The following GAB2 variants were observed in gnomAD, a reference collection of about 807,000 sequenced individuals.
GAB2 encodes GRB2-associated-binding protein 2.
Under a neutral mutation model 65.5 loss-of-function variants are expected in GAB2, and 26 were observed. That is an observed-to-expected ratio of 0.40 (90% CI 0.29 to 0.55). GAB2 has a LOEUF of 0.55. GAB2 is among the 20% of genes least tolerant of loss of function. The pLI is 0.53. For missense variants in GAB2, 884 were observed against 875.8 expected (o/e 1.01, Z -0.12); for synonymous variants, 321 against 329.6 (o/e 0.97, Z 0.28).
Position 78,291,555 on chromosome 11 carries a change from CT to C in GAB2, c.76-10655del, listed in dbSNP as rs796161663. On this transcript the variant is annotated intron_variant, in intron 1 of 9. Coordinates refer to ENST00000361507, the MANE Select transcript of GAB2 (RefSeq NM_080491.3). ...CCTATCTTGAGAGACTTACTTTTTT[CT>C]TTTTCTTTTTTTTTTTTTTTTTTTT... is the stretch of plus-strand genomic sequence containing the variant. 4.5e-3 allele frequency among the ~76,000 whole-genome samples: 249 copies of C among 55,044 alleles called. 3 individuals are homozygous for C. The highest frequency in any genetic ancestry group is 0.013 in the Admixed American group (46 of 3,450). The allele number at this position is 55,044 out of a possible 152,430, so 36.1% of individuals were successfully genotyped here. A position where few individuals can be genotyped will look rare whatever the true frequency, so the allele number is the denominator to read the frequency against.
chr11:78,381,053 C>G (rs1422611418), intron 1 of GAB2, among the ~76,000 whole-genome samples: 1 of 152,066 alleles, frequency 6.6e-6, no homozygotes, highest in East Asian at 1.9e-4. Context: ...CATACTTAAG[C>G]TTTGTACTCA....
intron 1 of GAB2, among the ~76,000 whole-genome samples, chr11:78,290,497 T>C (rs557812952): frequency 1.3e-5 from 2 of 152,324 alleles, no homozygotes; most frequent in South Asian, 2.1e-4. Context: ...TTGGGTTAGA[T>C]CTCAAGGTCT....
chr11:78,261,565 C>T (rs1215882086), intron 2 of GAB2, among the ~76,000 whole-genome samples: 1 of 152,292 alleles, frequency 6.6e-6, no homozygotes, highest in East Asian at 1.9e-4. Flanking sequence ...TTTGTTTATA[C>T]CTATCGTACC....
At position 78,233,891 on chromosome 11, in the gene GAB2, G is replaced by A. The variant is rs1036300679; in HGVS notation, c.621-6840C>T. ...CTCCCAAAGTGCTGAGATTACAGGC[G>A]TGGGCCACCACGCCCAGCCCATTTT... On this transcript the variant is annotated intron_variant, in intron 3 of 9. Coordinates refer to ENST00000361507, the MANE Select transcript of GAB2 (RefSeq NM_080491.3). 2.6e-5 allele frequency among the ~76,000 whole-genome samples: 4 copies of A among 152,202 alleles called. No individual in the cohort carries two copies. In the East Asian group the frequency reaches 7.7e-4, roughly 29 times the overall value.
At chr11:78,222,523 ATATATT>A (rs1864480847) in intron 6 of GAB2, among the ~76,000 whole-genome samples, 2 of 148,182 alleles carry the variant, frequency 1.3e-5, no homozygotes, top group South Asian at 2.1e-4. Context: ...TATATATAAA[ATATATT>A]TATATATTAA....
At chr11:78,278,893 T>A (rs1193815378) in intron 2 of GAB2, among the ~76,000 whole-genome samples, 4 of 152,096 alleles carry the variant, frequency 2.6e-5, no homozygotes, top group Non-Finnish European at 4.4e-5. Context: ...TAATTTTTAT[T>A]TTTTATCGAA....
intron 2 of GAB2, among the ~76,000 whole-genome samples, chr11:78,270,433 T>C (rs971372074): frequency 4.6e-5 from 7 of 151,960 alleles, no homozygotes; most frequent in African/African-American, 1.5e-4. Flanking sequence ...GAAGCAGCCA[T>C]GGTAAACAGC....
intron 1 of GAB2, among the ~76,000 whole-genome samples, chr11:78,390,585 T>C (rs976446183): frequency 6.6e-6 from 1 of 152,014 alleles, no homozygotes; most frequent in Non-Finnish European, 1.5e-5. Flanking sequence ...TATAAAGAAA[T>C]TGCTAAGAGA....
chr11:78,405,454 C>T (rs1219532083), intron 1 of GAB2, among the ~76,000 whole-genome samples: 2 of 152,124 alleles, frequency 1.3e-5, no homozygotes, highest in East Asian at 3.8e-4. Context: ...CTGCTACTTA[C>T]TATATGTGTG....
At chr11:78,374,451 G>C (rs117075620) in intron 1 of GAB2, among the ~76,000 whole-genome samples, 11 of 152,228 alleles carry the variant, frequency 7.2e-5, no homozygotes, top group African/African-American at 2.2e-4. Context: ...GGTTACCCGG[G>C]GGGGAACCTG....
chr11:78,404,367 C>T lies in GAB2; in HGVS notation c.75+13279G>A, dbSNP rs568045584. Among the ~76,000 whole-genome samples, 3 of 152,226 alleles carry T rather than the reference C, an allele frequency of 2.0e-5. No individual in the cohort carries two copies. In the East Asian group the frequency reaches 5.8e-4, roughly 29 times the overall value. ...AGATGAGCCTGGGCAACATAGTGAG[C>T]CCTCACCTCTGCAAAAAATAAAACA... On this transcript the variant is annotated intron_variant, in intron 1 of 9. Transcript: ENST00000361507.
chr11:78,311,798 C>T (rs569960770), intron 1 of GAB2, among the ~76,000 whole-genome samples: 2 of 152,160 alleles, frequency 1.3e-5, no homozygotes, highest in African/African-American at 4.8e-5. Context: ...GGACTTGGAG[C>T]GAGGCGGTAG....
At chr11:78,251,914 A>G (rs1247261218) in intron 2 of GAB2, among the ~76,000 whole-genome samples, 1 of 152,236 alleles carries the variant, frequency 6.6e-6, no homozygotes, top group Non-Finnish European at 1.5e-5. Context: ...TTCTTAGTTC[A>G]TGTCTGCGGA....
intron 2 of GAB2, among the ~76,000 whole-genome samples, chr11:78,277,677 C>T (rs1866213703): frequency 6.6e-6 from 1 of 152,244 alleles, no homozygotes; most frequent in African/African-American, 2.4e-5. Flanking sequence ...TGCAGCCCCT[C>T]CTAAGTGCTG....
intron 2 of GAB2, among the ~76,000 whole-genome samples, chr11:78,265,986 A>G (rs1412632491): frequency 3.9e-5 from 6 of 152,074 alleles, no homozygotes; most frequent in Non-Finnish European, 7.4e-5. Flanking sequence ...AGGCTGAGGC[A>G]GGTGGATAAC....
intron 1 of GAB2, among the ~76,000 whole-genome samples, chr11:78,339,632 C>T (rs1019606674): frequency 2.0e-5 from 3 of 152,086 alleles, no homozygotes; most frequent in Non-Finnish European, 4.4e-5. Flanking sequence ...TATGACTGGC[C>T]ATTACATAGG....
chr11:78,239,872 G>A (rs535535746), intron 3 of GAB2, among the ~76,000 whole-genome samples: 1 of 152,202 alleles, frequency 6.6e-6, no homozygotes, highest in African/African-American at 2.4e-5. Flanking sequence ...CTTGGAATTG[G>A]AACTATGGCT....
At chr11:78,253,004 CTTTTT>C (rs984989129) in intron 2 of GAB2, among the ~76,000 whole-genome samples, 2 of 106,958 alleles carry the variant, frequency 1.9e-5, no homozygotes, top group Non-Finnish European at 3.5e-5. Context: ...AATATCTTTC[CTTTTT>C]TTTTTTTTTT....
intron 1 of GAB2, among the ~76,000 whole-genome samples, chr11:78,295,957 G>A (rs990039228): frequency 6.6e-6 from 1 of 152,150 alleles, no homozygotes; most frequent in Non-Finnish European, 1.5e-5. Flanking sequence ...TGGCACCAAC[G>A]GCTGGTTTTG....
Sources: gnomAD v4.1 joint callset for allele counts (sites outside exome capture counted in the v4.1 genomes callset) on GRCh38, gnomAD v4.1.1 for gene constraint, MANE v1.5 for transcripts, NCBI Gene and HGNC (gene_info 2026-07-23, HGNC 2026-07-21) for gene names.